TMEM132B: variants seen among roughly 807,000 people sequenced by gnomAD.
TMEM132B encodes the protein transmembrane protein 132B.
TMEM132B carries 18 observed loss-of-function variants against 90.8 expected under a neutral mutation model. The observed-to-expected ratio is 0.20, with a 90% CI of 0.14 to 0.29. The LOEUF is 0.29. TMEM132B is among the 10% of genes least tolerant of loss of function. The probability of loss-of-function intolerance (pLI) is 1.00; values close to 1 mark genes in which losing one functional copy is unlikely to be tolerated. For synonymous variants in TMEM132B, 504 were observed against 523.3 expected, an observed-to-expected ratio of 0.96 and a Z score of 0.50; for missense variants, 1,096 against 1,326.8, an observed-to-expected ratio of 0.83 and a Z score of 2.70.
At position 125,347,215 on chromosome 12, in the gene TMEM132B, A is replaced by T. The variant is rs75959359; in HGVS notation, c.68-2237A>T. Reference sequence around the variant, plus strand: ...CTCTAGTTCCTTGGGGGCAGAATTCATGACTGCATTGTCCCTGTAATATTT... The same window carrying T: ...CTCTAGTTCCTTGGGGGCAGAATTCTTGACTGCATTGTCCCTGTAATATTT... On this transcript the variant is annotated intron_variant, in intron 1 of 8. Transcript: ENST00000682704. Among the ~76,000 whole-genome samples the T allele has an allele frequency of 2.9e-3, 444 of 152,348 alleles. 4 individuals carry two copies. The highest frequency in any genetic ancestry group is 0.01 in the African/African-American group (426 of 41,572).
intron 1 of TMEM132B, among the ~76,000 whole-genome samples, chr12:125,241,210 A>G (rs2136092551): frequency 6.6e-6 from 1 of 152,364 alleles, no homozygotes; most frequent in African/African-American, 2.4e-5. Context: ...TGCTTTTCCA[A>G]CATGCTTAAA....
intron 3 of TMEM132B, among the ~76,000 whole-genome samples, chr12:125,446,717 C>T (rs1308962612): frequency 1.4e-4 from 22 of 152,196 alleles, no homozygotes; most frequent in Admixed American, 1.4e-3. Flanking sequence ...AAGTCATATT[C>T]ACTTTCACAC....
chr12:125,193,953 C>T (rs1051156305), intron 1 of TMEM132B, among the ~76,000 whole-genome samples: 3 of 152,196 alleles, frequency 2.0e-5, no homozygotes, highest in African/African-American at 7.2e-5. Flanking sequence ...TGTGGCTTTC[C>T]ATCTTCCCAT....
chr12:125,600,887 G>A (rs1339200403), intron 5 of TMEM132B, among the ~76,000 whole-genome samples: 1 of 152,120 alleles, frequency 6.6e-6, no homozygotes, highest in Non-Finnish European at 1.5e-5. Flanking sequence ...TTACATCATG[G>A]TAAAGGGATC....
chr12:125,533,858 T>TAA, intron 4 of TMEM132B, among the ~76,000 whole-genome samples: 1 of 152,316 alleles, frequency 6.6e-6, no homozygotes. Flanking sequence ...AGCCAAAATC[T>TAA]TAATAGGCTT....
chr12:125,393,442 A>G (rs1879084666), intron 2 of TMEM132B, among the ~76,000 whole-genome samples: 1 of 152,170 alleles, frequency 6.6e-6, no homozygotes, highest in South Asian at 2.1e-4. Context: ...AGAAAACAAC[A>G]ACAACAACAA....
At chr12:125,470,217 C>T (rs1050622299) in intron 3 of TMEM132B, among the ~76,000 whole-genome samples, 6 of 152,194 alleles carry the variant, frequency 3.9e-5, no homozygotes, top group African/African-American at 1.4e-4. Context: ...CTCCAGTGTT[C>T]CCACCTCAGC....
chr12:125,252,563 C>A (rs1874340224), intron 1 of TMEM132B, among the ~76,000 whole-genome samples: 1 of 152,250 alleles, frequency 6.6e-6, no homozygotes, highest in African/African-American at 2.4e-5. Flanking sequence ...ACCTGGCCAA[C>A]TCCACGGGTG....
At chr12:125,235,411 C>T (rs1873911524) in intron 1 of TMEM132B, among the ~76,000 whole-genome samples, 1 of 152,026 alleles carries the variant, frequency 6.6e-6, no homozygotes, top group African/African-American at 2.4e-5. Context: ...GATTATCCAC[C>T]TGTGGGCCCA....
intron 1 of TMEM132B, among the ~76,000 whole-genome samples, chr12:125,288,892 A>T (rs913616921): frequency 6.6e-6 from 1 of 152,026 alleles, no homozygotes; most frequent in African/African-American, 2.4e-5. Context: ...TTTCTTGTAA[A>T]TTTACCCCAG....
chr12:125,522,296 C>T (rs1304027743), intron 4 of TMEM132B, among the ~76,000 whole-genome samples: 4 of 152,132 alleles, frequency 2.6e-5, no homozygotes, highest in African/African-American at 9.7e-5. Context: ...AGTCTAGGTC[C>T]AGCCATAAGA....
At chr12:125,409,878 A>G in intron 2 of TMEM132B, among the ~76,000 whole-genome samples, 1 of 6,036 alleles carries the variant, frequency 1.7e-4, no homozygotes, top group South Asian at 0.014. Context: ...GAGTGGAGTG[A>G]GTGGAGTGGA....
chr12:125,539,064 A>G (rs1883887794), intron 4 of TMEM132B, among the ~76,000 whole-genome samples: 5 of 152,006 alleles, frequency 3.3e-5, no homozygotes, highest in Admixed American at 3.3e-4. Context: ...TGTCATTGTC[A>G]TCTATTCTCC....
chr12:125,649,583 G>T (rs144264297), intron 6 of TMEM132B, among the ~76,000 whole-genome samples: 2 of 152,314 alleles, frequency 1.3e-5, no homozygotes, highest in Non-Finnish European at 2.9e-5. Flanking sequence ...CACGGCTGTT[G>T]TGTGCTGCGT....
rs114086505 is a variant in TMEM132B, at chr12:125,445,641, C to T, written c.1106+29964C>T. Among the ~76,000 whole-genome samples the T allele has an allele frequency of 2.6e-5, 4 of 152,282 alleles. No homozygotes were observed. The highest frequency in any genetic ancestry group is 4.8e-5 in the African/African-American group (2 of 41,548). ...CTCCACCCCAGCTGTGAACCCTGAG[C>T]GTGTGATCCCTTGGCAAGCTCACAA... On this transcript the variant is annotated intron_variant, in intron 3 of 8. Coordinates refer to ENST00000682704, the MANE Select transcript of TMEM132B (RefSeq NM_001366854.1). The surrounding 1 kb of genome is among the most constrained non-coding windows in gnomAD (Gnocchi z 4.3).
intron 1 of TMEM132B, among the ~76,000 whole-genome samples, chr12:125,193,666 G>A (rs1227457687): frequency 1.3e-5 from 2 of 152,186 alleles, no homozygotes; most frequent in African/African-American, 2.4e-5. Flanking sequence ...ATCCTTGCAC[G>A]GTTCTTTGCA....
chr12:125,615,446 A>C (rs1641178154), intron 5 of TMEM132B, among the ~76,000 whole-genome samples: 1 of 151,990 alleles, frequency 6.6e-6, no homozygotes, highest in South Asian at 2.1e-4. Context: ...AATCTATATC[A>C]GTCTATCCTC....
chr12:125,486,714 G>T (rs532280282), intron 3 of TMEM132B, among the ~76,000 whole-genome samples: 1 of 152,136 alleles, frequency 6.6e-6, no homozygotes, highest in Non-Finnish European at 1.5e-5. Context: ...CTGAGGGTTC[G>T]GTCACTGTAA....
At chr12:125,438,381 C>T (rs1880761977) in intron 3 of TMEM132B, among the ~76,000 whole-genome samples, 1 of 152,168 alleles carries the variant, frequency 6.6e-6, no homozygotes. Context: ...GCAAAACTGG[C>T]AACAATAAGC....
Sources: gnomAD v4.1 joint callset for allele counts (sites outside exome capture counted in the v4.1 genomes callset) on GRCh38, gnomAD v4.1.1 for gene constraint, Gnocchi (gnomAD v3.1) non-coding constraint, MANE v1.5 for transcripts, NCBI Gene and HGNC (gene_info 2026-07-23, HGNC 2026-07-21) for gene names.